SHANK2: variants seen among roughly 807,000 people sequenced by gnomAD.
SHANK2 encodes the protein SH3 and multiple ankyrin repeat domains protein 2.
A neutral mutation model predicts 133.7 loss-of-function variants in SHANK2; 43 were observed. The ratio of observed to expected loss-of-function variants is 0.32; its 90% CI spans 0.25 to 0.41. The LOEUF (loss-of-function observed/expected upper bound fraction) is 0.41. SHANK2 is among the 10% of genes least tolerant of loss of function. The probability of loss-of-function intolerance (pLI) is 1.00; values close to 1 mark genes in which losing one functional copy is unlikely to be tolerated. For missense variants in SHANK2, 1,994 were observed against 2,235.8 expected, an observed-to-expected ratio of 0.89 and a Z score of 2.18; for synonymous variants, 1,017 against 952.8, an observed-to-expected ratio of 1.07 and a Z score of -1.24.
rs971811704 is a variant in SHANK2, at chr11:71,057,912, C to G, written c.1030-1354G>C. 9.9e-5 allele frequency among the ~76,000 whole-genome samples: 12 copies of G among 120,718 alleles called. No individual in the cohort carries two copies. The East Asian group carries it at 2.5e-3, about 26-fold the overall frequency. The allele number at this position is 120,718 out of a possible 152,430, so 79.2% of individuals were successfully genotyped here. On this transcript the variant is annotated intron_variant, in intron 9 of 25. Coordinates refer to ENST00000601538, the MANE Select transcript of SHANK2 (RefSeq NM_012309.5). The stretch of plus-strand genomic sequence containing the variant: ...TTAATGTTGTTAAAAGCAAGCAAAA[C>G]GGTTTTTTTTTTTTTTTTTGAGACA...
intron 12 of SHANK2, among the ~76,000 whole-genome samples, chr11:70,810,279 T>C (rs1464102514): frequency 6.6e-6 from 1 of 152,210 alleles, no homozygotes; most frequent in African/African-American, 2.4e-5. Flanking sequence ...CCTGCCAGCC[T>C]GCCCAGCCAT....
intron 9 of SHANK2, among the ~76,000 whole-genome samples, chr11:71,061,733 G>T (rs1950988656): frequency 6.6e-6 from 1 of 152,144 alleles, no homozygotes. Context: ...GGAATGGTGA[G>T]TTTCTGCAGG....
At chr11:71,076,095 T>C (rs2135986203) in intron 8 of SHANK2, among the ~76,000 whole-genome samples, 1 of 152,202 alleles carries the variant, frequency 6.6e-6, no homozygotes, top group South Asian at 2.1e-4. Context: ...GGTGAGTCAG[T>C]GATGCCCCTC....
In SHANK2 at chr11:70,527,052, C is replaced by T. The variant is rs576634094; in HGVS notation, c.2062-24121G>A. 3.3e-3 allele frequency among the ~76,000 whole-genome samples: 496 copies of T among 152,334 alleles called. 3 individuals are homozygous for T. The highest frequency in any genetic ancestry group is 4.3e-3 in the Non-Finnish European group (295 of 68,028). Reference sequence around the variant, plus strand: ...ACCACATCCCAGACCCTCCTCACACCGTCCCCTTCCCTGATCCTGGCCTCC... The same window carrying T: ...ACCACATCCCAGACCCTCCTCACACTGTCCCCTTCCCTGATCCTGGCCTCC... On this transcript the variant is annotated intron_variant, in intron 17 of 25. Transcript: ENST00000601538.
chr11:70,722,569 T>A (rs1457280585), intron 14 of SHANK2, among the ~76,000 whole-genome samples: 1 of 151,932 alleles, frequency 6.6e-6, no homozygotes, highest in African/African-American at 2.4e-5. Flanking sequence ...AAATTACGTA[T>A]ATTGTTAATT....
At chr11:71,211,546 AT>A (rs1214746452) in intron 2 of SHANK2, among the ~76,000 whole-genome samples, 5 of 152,026 alleles carry the variant, frequency 3.3e-5, no homozygotes, top group African/African-American at 1.2e-4. Context: ...TCAAAAAAAA[AT>A]AAATAAATAC....
At chr11:70,636,781 A>G (rs567860002) in intron 17 of SHANK2, among the ~76,000 whole-genome samples, 1 of 151,286 alleles carries the variant, frequency 6.6e-6, no homozygotes, top group East Asian at 2.0e-4. Context: ...CATCTGTGTG[A>G]GCATGTGTGA....
chr11:70,808,247 G>A (rs1028224815), intron 12 of SHANK2, among the ~76,000 whole-genome samples: 4 of 151,920 alleles, frequency 2.6e-5, no homozygotes, highest in South Asian at 2.1e-4. Flanking sequence ...TGTCACCCAC[G>A]CGGGACTGCA....
intron 14 of SHANK2, among the ~76,000 whole-genome samples, chr11:70,703,188 T>A (rs1255170943): frequency 1.3e-5 from 2 of 152,138 alleles, no homozygotes; most frequent in Non-Finnish European, 2.9e-5. Flanking sequence ...TCTAGGTGTG[T>A]GTGCTTCACC....
chr11:71,124,856 G>A (rs181920405), intron 3 of SHANK2, among the ~76,000 whole-genome samples: 254 of 152,306 alleles, frequency 1.7e-3, no homozygotes, highest in African/African-American at 5.6e-3. Context: ...ACTCCGCAAC[G>A]AGAAAATCTA....
intron 17 of SHANK2, among the ~76,000 whole-genome samples, chr11:70,601,733 A>C (rs2060500604): frequency 6.6e-6 from 1 of 152,264 alleles, no homozygotes; most frequent in South Asian, 2.1e-4. Context: ...GATGAGAATA[A>C]GAATTTCCCA....
At chr11:71,070,712 A>T (rs1397679781) in intron 9 of SHANK2, among the ~76,000 whole-genome samples, 3 of 152,210 alleles carry the variant, frequency 2.0e-5, no homozygotes, top group African/African-American at 7.2e-5. Flanking sequence ...ACACGGCTAC[A>T]CTCTGACTTA....
intron 12 of SHANK2, among the ~76,000 whole-genome samples, chr11:70,808,470 G>A (rs1196023745): frequency 7.0e-6 from 1 of 142,902 alleles, no homozygotes; most frequent in African/African-American, 2.6e-5. Context: ...CCAAAGTGCT[G>A]AAGTTACAGG....
intron 2 of SHANK2, among the ~76,000 whole-genome samples, chr11:71,196,899 G>T (rs1445959119): frequency 6.6e-6 from 1 of 150,816 alleles, no homozygotes; most frequent in Non-Finnish European, 1.5e-5. Context: ...TCAGGAGGCT[G>T]AGGCATGAGA....
At chr11:70,728,899 G>T (rs1555031342) in intron 14 of SHANK2, among the ~76,000 whole-genome samples, 1 of 152,176 alleles carries the variant, frequency 6.6e-6, no homozygotes, top group East Asian at 1.9e-4. Context: ...ACTGACTGGT[G>T]TTGGCACCTG....
At position 70,698,744 on chromosome 11, in the gene SHANK2, G is replaced by T; in HGVS notation, c.1797C>A (p.Ser599Arg). ...CGGTGTAGTGCCTGAAAAGCTTCTT[G>T]CTGCGGTCAGCGCGGGTTTCTGTAC... ...DSQAETRADRSKKLFRHYTVG... is the reference protein window; with the variant it reads ...DSQAETRADRRKKLFRHYTVG... The change falls in exon 15 of 26, where the codon AGC (serine) becomes AGA (arginine). Residue 599 changes from serine (S) to arginine (R), a missense_variant. Transcript: ENST00000601538. The T allele has an allele frequency of 1.4e-6, 1 of 718,648 alleles. No homozygotes were observed. Among genetic ancestry groups the T allele is most frequent in the Non-Finnish European group, 2.6e-6 (1 of 385,114 alleles). 44.5% of individuals were successfully genotyped at this position (718,648 alleles called of 1,614,324 possible). A position where few individuals can be genotyped will look rare whatever the true frequency, so the allele number is the denominator to read the frequency against.
chr11:70,509,713 G>A (rs573516606), intron 17 of SHANK2, among the ~76,000 whole-genome samples: 5 of 152,306 alleles, frequency 3.3e-5, no homozygotes, highest in South Asian at 4.1e-4. Flanking sequence ...GTTGGGAGGC[G>A]GGGACTCTGG....
At chr11:70,848,496 TA>T (rs1555064375) in intron 11 of SHANK2, among the ~76,000 whole-genome samples, 2 of 152,064 alleles carry the variant, frequency 1.3e-5, no homozygotes, top group African/African-American at 4.8e-5. Flanking sequence ...CAAACAAAGC[TA>T]AGGGGCTTTT....
chr11:70,891,370 C>T (rs552903593), intron 11 of SHANK2, among the ~76,000 whole-genome samples: 5 of 152,168 alleles, frequency 3.3e-5, no homozygotes, highest in Non-Finnish European at 5.9e-5. Context: ...GGGGTGGTGG[C>T]GGGCGCCCGT....
Sources: allele counts gnomAD v4.1 joint callset (sites outside exome capture counted in the v4.1 genomes callset), GRCh38; gene constraint gnomAD v4.1.1; transcripts MANE v1.5; gene names NCBI Gene and HGNC (gene_info 2026-07-23, HGNC 2026-07-21).